Variants in DCT observed in about 807,000 individuals in gnomAD.
DCT encodes the protein L-dopachrome tautomerase.
Under a neutral mutation model 53.0 loss-of-function variants are expected in DCT, and 47 were observed. That is an observed-to-expected ratio of 0.89 (90% CI 0.70 to 1.13). The LOEUF is 1.13. Among genes scored for constraint, DCT ranks in the 50% most tolerant of loss-of-function variants. The pLI, the probability that DCT is intolerant of heterozygous loss-of-function variation, is 0.00. For missense variants in DCT, 669 were observed against 637.4 expected, an observed-to-expected ratio of 1.05 and a Z score of -0.53; for synonymous variants, 244 against 237.0, an observed-to-expected ratio of 1.03 and a Z score of -0.27.
the DCT span, among the ~76,000 whole-genome samples, chr13:94,543,263 C>A: frequency 1.3e-5 from 2 of 152,270 alleles, no homozygotes; most frequent in Admixed American, 6.5e-5. Context: ...GTGAGGCCAC[C>A]ACCCTTTTTG....
the DCT span, among the ~76,000 whole-genome samples, chr13:94,490,396 T>G: frequency 4.7e-5 from 7 of 149,640 alleles, no homozygotes; most frequent in Admixed American, 3.4e-4. Flanking sequence ...TCCCAGCTAC[T>G]CATGAGGCTG....
chr13:94,455,156 T>C (rs1443380724), intron 6 of DCT, among the ~76,000 whole-genome samples: 2 of 152,040 alleles, frequency 1.3e-5, no homozygotes, highest in South Asian at 2.1e-4. Flanking sequence ...GGTGGGAGGA[T>C]TGCTTGAGGC....
chr13:94,520,636 T>C, the DCT span, among the ~76,000 whole-genome samples: 1 of 152,180 alleles, frequency 6.6e-6, no homozygotes, highest in African/African-American at 2.4e-5. Context: ...CCTGCCTTCC[T>C]TTCTCTCTAA....
chr13:94,503,059 C>A, the DCT span, among the ~76,000 whole-genome samples: 1 of 152,134 alleles, frequency 6.6e-6, no homozygotes, highest in African/African-American at 2.4e-5. Context: ...GTGAATGTCA[C>A]TTTATTTGGA....
the DCT span, among the ~76,000 whole-genome samples, chr13:94,501,181 A>C: frequency 6.6e-6 from 1 of 152,158 alleles, no homozygotes; most frequent in Non-Finnish European, 1.5e-5. Context: ...AGGCAGGAGA[A>C]TGGCGTGAAC....
At chr13:94,490,096 G>A in the DCT span, among the ~76,000 whole-genome samples, 1 of 152,100 alleles carries the variant, frequency 6.6e-6, no homozygotes, top group Non-Finnish European at 1.5e-5. Flanking sequence ...AATTTCAAGA[G>A]CTGACAAAAA....
intron 6 of DCT, chr13:94,444,580 C>T: frequency 3.0e-6 from 1 of 336,216 alleles, no homozygotes; most frequent in South Asian, 2.4e-5. Context: ...TAACATGATA[C>T]AAGTTTGAGA....
At chr13:94,506,913 A>G in the DCT span, among the ~76,000 whole-genome samples, 25 of 152,282 alleles carry the variant, frequency 1.6e-4, no homozygotes, top group Admixed American at 5.9e-4. Flanking sequence ...ATCTATTAAT[A>G]TTTATTTTAA....
chr13:94,481,173 T>G (rs985278638), upstream of DCT, among the ~76,000 whole-genome samples: 1 of 152,252 alleles, frequency 6.6e-6, no homozygotes, highest in Non-Finnish European at 1.5e-5. Flanking sequence ...AGGACACTTA[T>G]TGGATGTAGA....
At chr13:94,487,030 C>G in the DCT span, among the ~76,000 whole-genome samples, 1 of 152,166 alleles carries the variant, frequency 6.6e-6, no homozygotes, top group African/African-American at 2.4e-5. Context: ...TAAGTGAATA[C>G]AGACCTAAGG....
At chr13:94,539,940 T>C in the DCT span, among the ~76,000 whole-genome samples, 1 of 152,172 alleles carries the variant, frequency 6.6e-6, no homozygotes, top group Non-Finnish European at 1.5e-5. Context: ...GATATATATA[T>C]ATAGAAATGT....
At chr13:94,462,255 C>T in intron 4 of DCT, 66 bp from the exon 5 acceptor site, 2 of 1,292,956 alleles carry the variant, frequency 1.5e-6, no homozygotes, top group Middle Eastern at 1.8e-4. Flanking sequence ...CGTCTGTAAT[C>T]CCAGCACTTT....
At chr13:94,548,600 A>T in the DCT span, among the ~76,000 whole-genome samples, 9 of 151,956 alleles carry the variant, frequency 5.9e-5, no homozygotes, top group African/African-American at 2.2e-4. Flanking sequence ...ACAAGATAAC[A>T]TCAGGTGCCT....
At chr13:94,465,531 C>A in intron 4 of DCT, 102 bp downstream of exon 4, 1 of 1,037,892 alleles carries the variant, frequency 9.6e-7, no homozygotes, top group Non-Finnish European at 1.4e-6. Context: ...AAATAGGACA[C>A]CACATGCATA....
the DCT span, among the ~76,000 whole-genome samples, chr13:94,538,341 A>T: frequency 6.6e-6 from 1 of 152,254 alleles, no homozygotes; most frequent in African/African-American, 2.4e-5. Flanking sequence ...ACTGAAACAA[A>T]GAAGAGTTAC....
the DCT span, among the ~76,000 whole-genome samples, chr13:94,549,204 A>G: frequency 2.6e-5 from 4 of 152,234 alleles, no homozygotes; most frequent in Admixed American, 2.0e-4. Context: ...TGACCACTCA[A>G]CAGTTTTGCT....
the DCT span, among the ~76,000 whole-genome samples, chr13:94,519,954 T>C: frequency 2.6e-5 from 4 of 152,208 alleles, no homozygotes; most frequent in Admixed American, 6.5e-5. Flanking sequence ...GGACATCTAA[T>C]AGAATCTTTA....
At chr13:94,511,010 C>T in the DCT span, among the ~76,000 whole-genome samples, 13 of 152,356 alleles carry the variant, frequency 8.5e-5, no homozygotes, top group South Asian at 2.7e-3. Flanking sequence ...TCCTCACTGG[C>T]TTTCAGTGGT....
chr13:94,445,721 G>A, intron 6 of DCT: 1 of 1,584,450 alleles, frequency 6.3e-7, no homozygotes, highest in Non-Finnish European at 8.6e-7. Context: ...ATGGTTACCA[G>A]CACATGCAGG....
Sources: allele counts gnomAD v4.1 joint callset (sites outside exome capture counted in the v4.1 genomes callset), GRCh38; gene constraint gnomAD v4.1.1; transcripts MANE v1.5; gene names NCBI Gene and HGNC (gene_info 2026-07-23, HGNC 2026-07-21).